PHLDB2: variants seen among roughly 807,000 people sequenced by gnomAD.
The protein encoded by PHLDB2 is pleckstrin homology-like domain family B member 2.
In PHLDB2, 71 loss-of-function variants were observed where a neutral mutation model predicts 123.6. That is an observed-to-expected ratio of 0.57 (90% CI 0.47 to 0.70). PHLDB2 has a LOEUF of 0.70. Among genes scored for constraint, PHLDB2 ranks in the 30% least tolerant of loss-of-function variants. PHLDB2 has a pLI of 0.00. For missense variants in PHLDB2, 1,446 were observed against 1,519.5 expected (o/e 0.95, Z 0.80); for synonymous variants, 547 against 541.6 (o/e 1.01, Z -0.14).
chr3:111,748,664 G>A (rs891515012), intron 1 of PHLDB2, among the ~76,000 whole-genome samples: 6 of 152,028 alleles, frequency 3.9e-5, no homozygotes, highest in Admixed American at 2.0e-4. Context: ...TGGGATTACA[G>A]GCACACACCA....
intron 1 of PHLDB2, among the ~76,000 whole-genome samples, chr3:111,823,320 T>C (rs2062495463): frequency 6.6e-6 from 1 of 152,248 alleles, no homozygotes; most frequent in African/African-American, 2.4e-5. Flanking sequence ...AAAATACTTA[T>C]TCTGTTATTT....
intron 6 of PHLDB2, among the ~76,000 whole-genome samples, chr3:111,939,104 G>A (rs926323984): frequency 1.1e-4 from 16 of 152,122 alleles, no homozygotes; most frequent in African/African-American, 3.4e-4. Flanking sequence ...CACCCACCAC[G>A]CCTGGCCAAG....
chr3:111,768,399 A>G (rs1056577632), intron 1 of PHLDB2, among the ~76,000 whole-genome samples: 1 of 152,194 alleles, frequency 6.6e-6, no homozygotes, highest in Admixed American at 6.5e-5. Flanking sequence ...TGTAAACAGC[A>G]GACTACTATT....
At chr3:111,969,019 G>A (rs914707804) in intron 15 of PHLDB2, among the ~76,000 whole-genome samples, 5 of 152,086 alleles carry the variant, frequency 3.3e-5, no homozygotes, top group African/African-American at 4.8e-5. Flanking sequence ...TAGATTGGAC[G>A]GGCTTTCATA....
intron 7 of PHLDB2, 119 bp from the exon 8 acceptor site, chr3:111,940,416 C>T (rs2069793273): frequency 1.9e-6 from 1 of 535,596 alleles, no homozygotes; most frequent in South Asian, 3.2e-5. Flanking sequence ...CCACCATCAA[C>T]TAAAATGTAG....
intron 2 of PHLDB2, among the ~76,000 whole-genome samples, chr3:111,848,505 C>A (rs1019544163): frequency 2.0e-5 from 3 of 152,196 alleles, no homozygotes; most frequent in Admixed American, 1.3e-4. Flanking sequence ...TGCTTTGGTG[C>A]TTTGACCCCC....
Position 111,749,102 on chromosome 3 carries a change from T to TAA in PHLDB2, c.-49+16410_-49+16411dup, listed in dbSNP as rs34512449. On this transcript the variant is annotated intron_variant, in intron 1 of 17. Coordinates refer to the PHLDB2 transcript ENST00000393923. ...AAATCCTTCCAGAACAAGAGAAGGCTAAAAAAAAAAAATAAGAAGAATAAA... is the reference window on the plus strand; with the variant it reads ...AAATCCTTCCAGAACAAGAGAAGGCTAAAAAAAAAAAAAATAAGAAGAATAAA... Among the ~76,000 whole-genome samples, 42 of 143,530 alleles carry TAA rather than the reference T, an allele frequency of 2.9e-4. No homozygotes were observed. In the South Asian group the frequency reaches 4.2e-3, roughly 15 times the overall value. 94.2% of individuals were successfully genotyped at this position (143,530 alleles called of 152,430 possible).
intron 5 of PHLDB2, among the ~76,000 whole-genome samples, chr3:111,922,897 T>G (rs1360353738): frequency 2.0e-5 from 3 of 152,064 alleles, no homozygotes; most frequent in Non-Finnish European, 1.5e-5. Flanking sequence ...CAAAGACCAC[T>G]CCCTTTGGAT....
At chr3:111,923,178 C>T (rs2107539484) in intron 5 of PHLDB2, among the ~76,000 whole-genome samples, 1 of 152,240 alleles carries the variant, frequency 6.6e-6, no homozygotes, top group Non-Finnish European at 1.5e-5. Flanking sequence ...TTGGCTTAGA[C>T]CTCTACTCCT....
At chr3:111,887,972 T>C (rs1270583919) in intron 2 of PHLDB2, among the ~76,000 whole-genome samples, 2 of 152,122 alleles carry the variant, frequency 1.3e-5, no homozygotes, top group African/African-American at 4.8e-5. Context: ...AGAGAACACT[T>C]GGTGAATGTA....
At chr3:111,763,548 T>C (rs918546387) in intron 1 of PHLDB2, among the ~76,000 whole-genome samples, 4 of 152,182 alleles carry the variant, frequency 2.6e-5, no homozygotes, top group Non-Finnish European at 5.9e-5. Context: ...TGTCTTGCTA[T>C]TACTATTTAT....
chr3:111,920,290 G>A lies in PHLDB2; in HGVS notation c.1872G>A (p.Met624Ile), dbSNP rs2068426588. 1 of 1,613,482 alleles carries A rather than the reference G, an allele frequency of 6.2e-7. No individual in the cohort carries two copies. Among genetic ancestry groups the A allele is most frequent in the Non-Finnish European group, 8.5e-7 (1 of 1,179,784 alleles). Residue 624 changes from methionine (M) to isoleucine (I), a missense_variant, in exon 5 of 18, where the codon ATG becomes ATA. Coordinates refer to ENST00000431670, the MANE Select transcript of PHLDB2 (RefSeq NM_001134438.2). ...QMDESFRELD[M>I]ECALLDGEQK... ...TTGGTTTGTGTCCTTAGTTGGATAT[G>A]GAATGTGCTCTTTTGGATGGAGAAC...
rs562670843 is a variant in PHLDB2, at chr3:111,859,557, C to A, written c.-34C>A. On this transcript the variant is annotated 5_prime_UTR_variant, in exon 1 of 18. Coordinates refer to ENST00000431670, the MANE Select transcript of PHLDB2 (RefSeq NM_001134438.2). ...GCCTGCCTTCTCTCGCCGCCGGGAA[C>A]GGGCTGCACCAATGGCCAGGTGAGG... The A allele has an allele frequency of 3.0e-6, 3 of 985,554 alleles. No individual in the cohort carries two copies. The African/African-American group carries it at 5.2e-5, about 17-fold the overall frequency. 61.1% of individuals were successfully genotyped at this position (985,554 alleles called of 1,614,324 possible). A position where few individuals can be genotyped will look rare whatever the true frequency, so the allele number is the denominator to read the frequency against.
chr3:111,963,640 C>G (rs1314241268), intron 13 of PHLDB2, among the ~76,000 whole-genome samples: 1 of 152,168 alleles, frequency 6.6e-6, no homozygotes, highest in East Asian at 1.9e-4. Flanking sequence ...ACCCACAACT[C>G]TGAGTAATCC....
intron 1 of PHLDB2, among the ~76,000 whole-genome samples, chr3:111,775,293 T>A (rs2060248764): frequency 6.6e-6 from 1 of 152,092 alleles, no homozygotes; most frequent in African/African-American, 2.4e-5. Flanking sequence ...AAAACAAACA[T>A]CGAGAACCCA....
At chr3:111,857,422 A>T (rs1002895096), upstream of PHLDB2, among the ~76,000 whole-genome samples, 4 of 147,622 alleles carry the variant, frequency 2.7e-5, no homozygotes, top group African/African-American at 1.0e-4. Context: ...TTGCACTCCA[A>T]CCTGGGTGAC....
chr3:111,877,143 A>C (rs2065670986), intron 1 of PHLDB2, among the ~76,000 whole-genome samples: 1 of 152,264 alleles, frequency 6.6e-6, no homozygotes, highest in Non-Finnish European at 1.5e-5. Context: ...AGGAATCACC[A>C]CACTGACTTC....
intron 1 of PHLDB2, among the ~76,000 whole-genome samples, chr3:111,861,701 C>T (rs1300116063): frequency 1.3e-5 from 2 of 152,196 alleles, no homozygotes; most frequent in African/African-American, 4.8e-5. Context: ...CTTGCTTACT[C>T]CTCCGTTCAA....
At chr3:111,969,146 T>A (rs1188504657) in intron 15 of PHLDB2, among the ~76,000 whole-genome samples, 1 of 152,190 alleles carries the variant, frequency 6.6e-6, no homozygotes, top group Non-Finnish European at 1.5e-5. Context: ...TAGCTTTACT[T>A]TTCAAAATAT....
Sources: gnomAD v4.1 joint callset for allele counts (sites outside exome capture counted in the v4.1 genomes callset) on GRCh38, gnomAD v4.1.1 for gene constraint, MANE v1.5 for transcripts, NCBI Gene and HGNC (gene_info 2026-07-23, HGNC 2026-07-21) for gene names.